SNX6: variants seen among roughly 807,000 people sequenced by gnomAD.
SNX6 encodes the protein sorting nexin-6.
In SNX6, 34 loss-of-function variants were observed where a neutral mutation model predicts 63.0. The observed-to-expected ratio is 0.54, with a 90% CI of 0.41 to 0.72. The LOEUF (loss-of-function observed/expected upper bound fraction) is 0.72, where lower values mean the gene tolerates loss of function less well. Ranked by LOEUF, SNX6 falls within the 30% of genes least tolerant of loss-of-function variation. The probability of loss-of-function intolerance (pLI) is 0.00; values close to 1 mark genes in which losing one functional copy is unlikely to be tolerated. For synonymous variants in SNX6, 170 were observed against 164.2 expected (o/e 1.04, Z -0.27); for missense variants, 398 against 471.4 (o/e 0.84, Z 1.44).
intron 9 of SNX6, among the ~76,000 whole-genome samples, chr14:34,584,680 C>T (rs149754540): frequency 5.9e-5 from 9 of 151,914 alleles, no homozygotes; most frequent in African/African-American, 2.4e-5. Flanking sequence ...AACATAAATT[C>T]GGTTCTTCCA....
intron 7 of SNX6, among the ~76,000 whole-genome samples, chr14:34,596,081 G>T (rs1481838196): frequency 1.3e-5 from 2 of 151,892 alleles, no homozygotes; most frequent in Non-Finnish European, 2.9e-5. Flanking sequence ...TTAGCTGGGC[G>T]TGATGGCGGG....
At chr14:34,568,938 G>T in intron 11 of SNX6, 1 of 1,330,076 alleles carries the variant, frequency 7.5e-7, no homozygotes, top group South Asian at 1.2e-5. Flanking sequence ...AGAGGTACAG[G>T]TGCCACGCTG....
chr14:34,563,375 A>G (rs1331123694), intron 13 of SNX6, among the ~76,000 whole-genome samples, 200 bp from the exon 14 acceptor site: 3 of 152,146 alleles, frequency 2.0e-5, no homozygotes, highest in East Asian at 1.9e-4. Context: ...TGGCTAACAC[A>G]GTGAAACCCC....
At chr14:34,605,837 C>T in intron 4 of SNX6, 120 bp from the exon 5 acceptor site, 1 of 1,208,240 alleles carries the variant, frequency 8.3e-7, no homozygotes, top group Non-Finnish European at 1.1e-6. Flanking sequence ...AGCTGAACAC[C>T]AGGAACACCC....
chr14:34,593,018 T>C (rs7149227), intron 8 of SNX6, 27 bp downstream of exon 8: 210 of 1,397,650 alleles, frequency 1.5e-4, no homozygotes, highest in Non-Finnish European at 1.8e-4. Context: ...TTAAAAGATA[T>C]AAGCTTTAGC....
intron 10 of SNX6, 83 bp from the exon 11 acceptor site, chr14:34,575,925 TTTTTG>T: frequency 1.3e-6 from 1 of 764,700 alleles, no homozygotes; most frequent in Non-Finnish European, 2.0e-6. Flanking sequence ...TGTTGTTGTT[TTTTTG>T]TTTTTTTTTT....
At chr14:34,582,983 T>C (rs1366972853) in intron 9 of SNX6, among the ~76,000 whole-genome samples, 3 of 151,780 alleles carry the variant, frequency 2.0e-5, no homozygotes, top group Non-Finnish European at 4.4e-5. Context: ...GGCACGATGG[T>C]GCAATCCTGT....
intron 2 of SNX6, among the ~76,000 whole-genome samples, chr14:34,612,671 T>A (rs1158645477): frequency 6.6e-6 from 1 of 151,228 alleles, no homozygotes. Context: ...TGACCTCAGG[T>A]GATCCACCTG....
chr14:34,570,712 C>T (rs1237172242), intron 11 of SNX6, among the ~76,000 whole-genome samples: 3 of 141,794 alleles, frequency 2.1e-5, no homozygotes, highest in Admixed American at 7.7e-5. Context: ...TGAGCCACCG[C>T]ACCTGGCCTT....
intron 2 of SNX6, among the ~76,000 whole-genome samples, chr14:34,617,717 C>G (rs1011934018): frequency 2.0e-5 from 3 of 150,622 alleles, no homozygotes; most frequent in African/African-American, 7.3e-5. Context: ...GTCAGGGGAT[C>G]AAGACCATCC....
chr14:34,630,102 A>AACACCCACCATCATGG lies in SNX6; in HGVS notation c.-2_6+8dup. 6.9e-7 allele frequency: 1 copy of AACACCCACCATCATGG among 1,443,704 alleles called. No homozygotes were observed. Among genetic ancestry groups the AACACCCACCATCATGG allele is most frequent in the Non-Finnish European group, 9.0e-7 (1 of 1,109,340 alleles). The allele number at this position is 1,443,704 out of a possible 1,614,324, so 89.4% of individuals were successfully genotyped here. Reference sequence around the variant, plus strand: ...GCTCCCGGGACTCGGCGCCGCGGAGAACACCCACCATCATGGCTGCTCCGA... The same window carrying AACACCCACCATCATGG: ...GCTCCCGGGACTCGGCGCCGCGGAGAACACCCACCATCATGGACACCCACCATCATGGCTGCTCCGA... On this transcript the variant is annotated intron_variant, in intron 1 of 13. Transcript: ENST00000362031.
chr14:34,573,693 C>A (rs1252346706), intron 11 of SNX6, among the ~76,000 whole-genome samples: 2 of 151,686 alleles, frequency 1.3e-5, no homozygotes, highest in East Asian at 3.9e-4. Context: ...GGCTGGAATG[C>A]AATGGCGCGG....
chr14:34,588,298 C>T (rs1213928396), intron 8 of SNX6, among the ~76,000 whole-genome samples: 3 of 151,996 alleles, frequency 2.0e-5, no homozygotes, highest in Non-Finnish European at 4.4e-5. Context: ...TGAGTCACTG[C>T]GCCCAGCCAG....
intron 5 of SNX6, chr14:34,604,365 T>C (rs1479074357): frequency 1.9e-6 from 2 of 1,054,860 alleles, no homozygotes; most frequent in African/African-American, 1.7e-5. Flanking sequence ...TTCAGTCTTA[T>C]AAACTTTGAA....
At chr14:34,574,809 C>T (rs1193569871) in intron 11 of SNX6, among the ~76,000 whole-genome samples, 6 of 151,814 alleles carry the variant, frequency 4.0e-5, no homozygotes, top group African/African-American at 9.7e-5. Flanking sequence ...CCACCCGCCT[C>T]GGCCTCCCAA....
chr14:34,563,403 C>A lies in SNX6; in HGVS notation c.1168-228G>T, dbSNP rs551725107. Among the ~76,000 whole-genome samples, 4 of 151,768 alleles carry A rather than the reference C, an allele frequency of 2.6e-5. No homozygotes were observed. In the South Asian group the frequency reaches 8.3e-4, roughly 32 times the overall value. On this transcript the variant is annotated intron_variant, in intron 13 of 13. Coordinates refer to ENST00000362031, the MANE Select transcript of SNX6 (RefSeq NM_152233.4). ...GAAACCCCATCTCTACTAAAAAATA[C>A]AAAAAATTAGCCGGGCGTGGTGGTT...
intron 11 of SNX6, among the ~76,000 whole-genome samples, chr14:34,574,098 G>GCCTGTAATCCC (rs1881577390): frequency 1.3e-5 from 2 of 151,904 alleles, no homozygotes; most frequent in Non-Finnish European, 2.9e-5. Flanking sequence ...AGCACTTTGG[G>GCCTGTAATCCC]AGGCCGAGGT....
intron 8 of SNX6, among the ~76,000 whole-genome samples, chr14:34,590,329 G>A (rs1324232638): frequency 6.6e-6 from 1 of 151,786 alleles, no homozygotes; most frequent in South Asian, 2.1e-4. Context: ...TCGGGAGGCT[G>A]AGGCAGGAGA....
chr14:34,625,347 C>G (rs931472044), intron 2 of SNX6, among the ~76,000 whole-genome samples: 1 of 152,160 alleles, frequency 6.6e-6, no homozygotes, highest in Non-Finnish European at 1.5e-5. Context: ...CCAGATATTT[C>G]TATTCCTAAA....
Sources: gnomAD v4.1 joint callset for allele counts (sites outside exome capture counted in the v4.1 genomes callset) on GRCh38, gnomAD v4.1.1 for gene constraint, MANE v1.5 for transcripts, NCBI Gene and HGNC (gene_info 2026-07-23, HGNC 2026-07-21) for gene names.